Variants in DCHS2 observed in about 807,000 individuals in gnomAD.
DCHS2 encodes protocadherin-23.
In DCHS2, 142 loss-of-function variants were observed where a neutral mutation model predicts 182.4. The ratio of observed to expected loss-of-function variants is 0.78; its 90% CI spans 0.68 to 0.89. DCHS2 has a LOEUF of 0.89. DCHS2 is among the 40% of genes least tolerant of loss of function. The probability of loss-of-function intolerance (pLI) is 0.00; values close to 1 mark genes in which losing one functional copy is unlikely to be tolerated. For missense variants in DCHS2, 4,319 were observed against 4,198.6 expected (o/e 1.03, Z -0.79); for synonymous variants, 1,740 against 1,663.3 (o/e 1.05, Z -1.12).
chr4:154,489,783 G>A lies in DCHS2; in HGVS notation c.1573C>T (p.Leu525=), dbSNP rs1728727639. ...GSPPLSTEET[L]LLRVADLNDQ... is the part of the protein sequence containing the mutation. ...TTGAGGTCAGCGACCCGGAGTAGCA[G>A]CGTCTCCTCCGTGCTCAGCGGCGGG... The change falls in exon 1 of 20, where the codon CTG becomes TTG. Residue 525 remains leucine (L), a synonymous_variant. Transcript: ENST00000357232. 6.4e-7 allele frequency: 1 copy of A among 1,551,656 alleles called. No individual in the cohort carries two copies. Among genetic ancestry groups the A allele is most frequent in the East Asian group, 2.4e-5 (1 of 40,884 alleles).
At chr4:154,382,697 A>T (rs1731225285) in intron 1 of DCHS2, among the ~76,000 whole-genome samples, 1 of 152,210 alleles carries the variant, frequency 6.6e-6, no homozygotes, top group African/African-American at 2.4e-5. Flanking sequence ...ACATTAACAG[A>T]CACTTCTCAA....
At chr4:154,352,926 A>G (rs1316006689) in intron 3 of DCHS2, among the ~76,000 whole-genome samples, 1 of 152,154 alleles carries the variant, frequency 6.6e-6, no homozygotes, top group Non-Finnish European at 1.5e-5. Context: ...ATCTCAGAAG[A>G]GTTTCTCCAA....
At chr4:154,381,896 A>G (rs1365303791) in intron 1 of DCHS2, among the ~76,000 whole-genome samples, 1 of 152,146 alleles carries the variant, frequency 6.6e-6, no homozygotes, top group Non-Finnish European at 1.5e-5. Context: ...TTCCTATCAA[A>G]CTACCAATGT....
chr4:154,404,886 C>T (rs946961642), intron 1 of DCHS2, among the ~76,000 whole-genome samples: 5 of 152,158 alleles, frequency 3.3e-5, no homozygotes, highest in Admixed American at 6.6e-5. Context: ...CCTGTCATTC[C>T]CTGCTACATA....
intron 1 of DCHS2, among the ~76,000 whole-genome samples, chr4:154,423,337 A>G (rs1389243456): frequency 2.0e-5 from 3 of 152,218 alleles, no homozygotes; most frequent in African/African-American, 7.2e-5. Flanking sequence ...CTTTCCTAGA[A>G]CATAATGTTT....
chr4:154,382,109 A>C (rs1368254409), intron 1 of DCHS2, among the ~76,000 whole-genome samples: 1 of 152,124 alleles, frequency 6.6e-6, no homozygotes, highest in Non-Finnish European at 1.5e-5. Flanking sequence ...GGAACAGAAG[A>C]GAGAACCCAG....
At chr4:154,420,627 A>G (rs1251510423) in intron 1 of DCHS2, among the ~76,000 whole-genome samples, 1 of 152,104 alleles carries the variant, frequency 6.6e-6, no homozygotes, top group African/African-American at 2.4e-5. Context: ...CAGTGAATTC[A>G]CCTTTCTTCT....
chr4:154,321,248 A>AATTTGGG (rs746480938), intron 8 of DCHS2, 26 bp from the exon 9 acceptor site: 9 of 1,453,640 alleles, frequency 6.2e-6, no homozygotes, highest in Non-Finnish European at 8.2e-6. Context: ...AAGAGATATT[A>AATTTGGG]ATTTGGGGTA....
chr4:154,393,386 A>T (rs1731792050), intron 1 of DCHS2, among the ~76,000 whole-genome samples: 1 of 152,174 alleles, frequency 6.6e-6, no homozygotes. Flanking sequence ...GGGGGAAAAA[A>T]AATGGGCTTC....
At chr4:154,261,870 T>G (rs537419446) in intron 14 of DCHS2, 2 of 152,230 alleles carry the variant, frequency 1.3e-5, no homozygotes, top group Admixed American at 6.5e-5. Flanking sequence ...TTTGGGCAGC[T>G]GGAGAATAAT....
intron 3 of DCHS2, among the ~76,000 whole-genome samples, chr4:154,345,089 T>C (rs1203558278): frequency 6.6e-6 from 1 of 152,202 alleles, no homozygotes; most frequent in Non-Finnish European, 1.5e-5. Flanking sequence ...GTGGAACAGA[T>C]CTGAAAGTCG....
intron 19 of DCHS2, among the ~76,000 whole-genome samples, chr4:154,237,832 C>T (rs1394500990): frequency 6.6e-6 from 1 of 152,170 alleles, no homozygotes; most frequent in Non-Finnish European, 1.5e-5. Context: ...TGCCATGTTT[C>T]AGTTAGAGTC....
rs761774356 is a variant in DCHS2, at chr4:154,485,743, GAGT to G, written c.2052+3558_2052+3560del. Among the ~76,000 whole-genome samples the G allele has an allele frequency of 2.1e-3, 326 of 152,294 alleles. 2 individuals carry two copies. Among genetic ancestry groups the G allele is most frequent in the Middle Eastern group, 3.4e-3 (1 of 294 alleles). ...ATGAACATAGTACTTGTATTTGAGG[GAGT>G]ATGAAAGAATACTCTTCATGTTACC... On this transcript the variant is annotated intron_variant, in intron 1 of 19. Coordinates refer to ENST00000357232, the MANE Select transcript of DCHS2 (RefSeq NM_001358235.2).
chr4:154,427,030 A>G (rs1733359139), intron 1 of DCHS2, among the ~76,000 whole-genome samples: 2 of 152,188 alleles, frequency 1.3e-5, no homozygotes, highest in African/African-American at 4.8e-5. Flanking sequence ...ACAGTGATTC[A>G]TGAATGTTTC....
At chr4:154,337,359 T>G (rs974360059) in intron 3 of DCHS2, among the ~76,000 whole-genome samples, 1 of 152,198 alleles carries the variant, frequency 6.6e-6, no homozygotes, top group Non-Finnish European at 1.5e-5. Flanking sequence ...ATGAAAAACT[T>G]AATGTCTGCC....
intron 1 of DCHS2, among the ~76,000 whole-genome samples, chr4:154,399,024 C>T (rs972594776): frequency 3.3e-5 from 5 of 152,128 alleles, no homozygotes; most frequent in African/African-American, 4.8e-5. Flanking sequence ...ACGAGCCCTC[C>T]GTGTCTGTGG....
At chr4:154,353,465 G>A (rs1429061614) in intron 3 of DCHS2, among the ~76,000 whole-genome samples, 1 of 152,174 alleles carries the variant, frequency 6.6e-6, no homozygotes. Flanking sequence ...CATATGTTGT[G>A]TATAAGAAGC....
intron 1 of DCHS2, among the ~76,000 whole-genome samples, chr4:154,429,336 G>C (rs1733466348): frequency 6.6e-6 from 1 of 152,052 alleles, no homozygotes; most frequent in Admixed American, 6.5e-5. Context: ...TCCTTTTGTG[G>C]GGGACATCCT....
intron 1 of DCHS2, among the ~76,000 whole-genome samples, chr4:154,398,728 T>A (rs998505200): frequency 5.3e-5 from 8 of 152,170 alleles, no homozygotes; most frequent in African/African-American, 1.9e-4. Flanking sequence ...TCCCCCAAAC[T>A]TACTGCCGGC....
Sources: allele counts gnomAD v4.1 joint callset (sites outside exome capture counted in the v4.1 genomes callset), GRCh38; gene constraint gnomAD v4.1.1; transcripts MANE v1.5; gene names NCBI Gene and HGNC (gene_info 2026-07-23, HGNC 2026-07-21).